NUBP1: variants seen among roughly 807,000 people sequenced by gnomAD.
The protein encoded by NUBP1 is NUBP iron-sulfur cluster assembly factor 1, cytosolic.
NUBP1 carries 46 observed loss-of-function variants against 41.8 expected under a neutral mutation model. That is an observed-to-expected ratio of 1.10 (90% CI 0.87 to 1.41). NUBP1 has a LOEUF of 1.41. NUBP1 is among the 40% of genes most tolerant of loss of function. NUBP1 has a pLI of 0.00. For missense variants in NUBP1, 494 were observed against 414.0 expected (o/e 1.19, Z -1.68); for synonymous variants, 189 against 154.6 (o/e 1.22, Z -1.65).
rs2030453398 is a variant in NUBP1 at position 10,764,061 on chromosome 16, TCAGCCCACTGGAGCATCC to T, written c.820+2210_820+2227del. The stretch of plus-strand genomic sequence containing the variant: ...GAGCATCCCAGCCCAAAGGAGCATC[TCAGCCCACTGGAGCATCC>T]CAGCCCAAGGGAGTATCTCAGCCCA... On this transcript the variant is annotated intron_variant, in intron 9 of 10. Transcript: ENST00000283027. 3.3e-5 allele frequency among the ~76,000 whole-genome samples: 5 copies of T among 151,518 alleles called. No homozygotes were observed. In the South Asian group the frequency reaches 8.3e-4, roughly 25 times the overall value.
At chr16:10,744,367 G>A (rs1456380139) in intron 2 of NUBP1, among the ~76,000 whole-genome samples, 1 of 152,222 alleles carries the variant, frequency 6.6e-6, no homozygotes, top group Non-Finnish European at 1.5e-5. Flanking sequence ...GAGGGTCGGG[G>A]CCAGAGGTTT....
In NUBP1 at chr16:10,757,823, T is replaced by A; in HGVS notation, c.452-50T>A. The A allele has an allele frequency of 1.9e-6, 3 of 1,588,024 alleles. No homozygotes were observed. Among genetic ancestry groups the A allele is most frequent in the Non-Finnish European group, 2.6e-6 (3 of 1,162,340 alleles). On this transcript the variant is annotated intron_variant, in intron 6 of 10. Transcript: ENST00000283027. The surrounding 1 kb of genome is among the most constrained non-coding windows in gnomAD (Gnocchi z 4.1). ...TAAAAAAAAAAGAGGGAGTTGAAAG[T>A]ACAGAAAAGAAAGGAAAAGTAAGCA... is the stretch of plus-strand genomic sequence containing the variant.
chr16:10,758,240 A>G lies in NUBP1; in HGVS notation c.606+213A>G, dbSNP rs540260370. 1.6e-3 allele frequency among the ~76,000 whole-genome samples: 245 copies of G among 152,178 alleles called. 3 individuals are homozygous for G. The highest frequency in any genetic ancestry group is 5.8e-3 in the African/African-American group (242 of 41,522). The stretch of plus-strand genomic sequence containing the variant: ...AATCCCAGGACTTTGGGAGGCTGAG[A>G]TGGGAGGATCACTTGAGCCCACGAG... On this transcript the variant is annotated intron_variant, in intron 7 of 10. Transcript: ENST00000283027.
Position 10,766,131 on chromosome 16 carries a change from C to G in NUBP1, c.821-1818C>G, listed in dbSNP as rs2030842375. ...AGTTACAGATGCCAGCGCTCTGGTG[C>G]TATGGGTCCTGGTCCCGGTGTGCTG... On this transcript the variant is annotated intron_variant, in intron 9 of 10. Transcript: ENST00000283027. This position sits in a 1 kb window ranked among gnomAD's most constrained non-coding sequence, Gnocchi z 4.8. 1 of 152,500 alleles carries G rather than the reference C, an allele frequency of 6.6e-6. No individual in the cohort carries two copies. Among genetic ancestry groups the G allele is most frequent in the African/African-American group, 2.4e-5 (1 of 41,454 alleles). 9.4% of individuals were successfully genotyped at this position (152,500 alleles called of 1,614,324 possible).
chr16:10,761,491 C>T lies in NUBP1; in HGVS notation c.717+17C>T, dbSNP rs1168868212. 6.3e-7 allele frequency: 1 copy of T among 1,598,804 alleles called. No homozygotes were observed. The highest frequency in any genetic ancestry group is 8.6e-7 in the Non-Finnish European group (1 of 1,166,712). On this transcript the variant is annotated intron_variant, in intron 8 of 10. Transcript: ENST00000283027. Reference sequence around the variant, plus strand: ...AAGTGCAAGGTGAGGGCGCGTGGGGCTGCCAGGCGAGCAAGATCTTGCTCT... The same window carrying T: ...AAGTGCAAGGTGAGGGCGCGTGGGGTTGCCAGGCGAGCAAGATCTTGCTCT...
intron 3 of NUBP1, 65 bp from the exon 4 acceptor site, chr16:10,752,545 A>T: frequency 7.7e-7 from 1 of 1,297,658 alleles, no homozygotes; most frequent in Non-Finnish European, 1.1e-6. Flanking sequence ...CTCCCCTCCT[A>T]GTTGTGTGTG....
At chr16:10,744,242 G>A (rs1261522586) in intron 2 of NUBP1, among the ~76,000 whole-genome samples, 177 bp downstream of exon 2, 3 of 152,202 alleles carry the variant, frequency 2.0e-5, no homozygotes, top group Non-Finnish European at 4.4e-5. Context: ...GCAGGGTGAG[G>A]GCGGAGCTTG....
In NUBP1 at chr16:10,766,879, A is replaced by G. The variant is rs567408089; in HGVS notation, c.821-1070A>G. On this transcript the variant is annotated intron_variant, in intron 9 of 10. Coordinates refer to ENST00000283027, the MANE Select transcript of NUBP1 (RefSeq NM_002484.4). This position sits in a 1 kb window ranked among gnomAD's most constrained non-coding sequence, Gnocchi z 4.8. ...ACGGCATACGTCCTATGGAGAGGAC[A>G]TTTCCTGTTATGGCTCAAGTGCGAA... 11 of 398,538 alleles carry G rather than the reference A, an allele frequency of 2.8e-5. No homozygotes were observed. The East Asian group carries it at 3.6e-4, about 13-fold the overall frequency. The allele number at this position is 398,538 out of a possible 1,614,324, so 24.7% of individuals were successfully genotyped here.
chr16:10,762,763 G>A (rs1187687810), intron 9 of NUBP1, among the ~76,000 whole-genome samples: 1 of 152,014 alleles, frequency 6.6e-6, no homozygotes, highest in Admixed American at 6.6e-5. Context: ...CAGGAGAGAG[G>A]GGCCGGGCGG....
intron 2 of NUBP1, among the ~76,000 whole-genome samples, chr16:10,744,712 G>C (rs1305558430): frequency 6.6e-5 from 10 of 152,110 alleles, no homozygotes; most frequent in Non-Finnish European, 1.2e-4. Context: ...CTGCTCAGAA[G>C]GACCTTAAAA....
At position 10,743,947 on chromosome 16, in the gene NUBP1, T is replaced by C. The variant is rs1229580742; in HGVS notation, c.20-14T>C. The C allele has an allele frequency of 1.9e-6, 3 of 1,592,188 alleles. No homozygotes were observed. Among genetic ancestry groups the C allele is most frequent in the Admixed American group, 1.8e-5 (1 of 54,444 alleles). On this transcript the variant is annotated splice_polypyrimidine_tract_variant and intron_variant, in intron 1 of 10. Transcript: ENST00000283027. ...GTCGGGAGCTGCTCTAACTGTGGTC[T>C]TGTCTCTGCGCAGACTGTCCAGGGG...
chr16:10,751,366 C>T (rs761124934), intron 3 of NUBP1, among the ~76,000 whole-genome samples: 2 of 152,110 alleles, frequency 1.3e-5, no homozygotes, highest in Non-Finnish European at 2.9e-5. Context: ...TCAGGTTTTC[C>T]GATGATGTCG....
At chr16:10,747,114 C>T in intron 2 of NUBP1, 29 bp from the exon 3 acceptor site, 5 of 1,612,502 alleles carry the variant, frequency 3.1e-6, no homozygotes, top group South Asian at 1.1e-5. Context: ...TGTGGGACCT[C>T]ATCCCCTGAA....
intron 2 of NUBP1, among the ~76,000 whole-genome samples, chr16:10,745,341 C>A (rs894383551): frequency 2.0e-5 from 3 of 152,026 alleles, no homozygotes; most frequent in African/African-American, 7.2e-5. Flanking sequence ...GTGGTGCATG[C>A]CCGCCCTCGA....
At chr16:10,762,297 C>A (rs530413087) in intron 9 of NUBP1, among the ~76,000 whole-genome samples, 1 of 152,306 alleles carries the variant, frequency 6.6e-6, no homozygotes, top group South Asian at 2.1e-4. Context: ...GTCTCCAGCA[C>A]CGGGACAGAC....
chr16:10,763,121 G>A (rs896660005), intron 9 of NUBP1, among the ~76,000 whole-genome samples: 1 of 152,112 alleles, frequency 6.6e-6, no homozygotes, highest in African/African-American at 2.4e-5. Context: ...GTCCCTCAGA[G>A]ACAGTGAAGC....
chr16:10,757,220 A>T lies in NUBP1; in HGVS notation c.451+440A>T, dbSNP rs952818897. ...AGAGGCTGAGGCAGGAGAACCCAGG[A>T]GGCGGAGGTTGCAGTGAGCCAAGAT... On this transcript the variant is annotated intron_variant, in intron 6 of 10. Coordinates refer to ENST00000283027, the MANE Select transcript of NUBP1 (RefSeq NM_002484.4). This position sits in a 1 kb window ranked among gnomAD's most constrained non-coding sequence, Gnocchi z 4.1. Among the ~76,000 whole-genome samples, 2 of 152,110 alleles carry T rather than the reference A, an allele frequency of 1.3e-5. No individual in the cohort carries two copies. Among genetic ancestry groups the T allele is most frequent in the African/African-American group, 4.8e-5 (2 of 41,400 alleles).
intron 9 of NUBP1, 170 bp downstream of exon 9, chr16:10,762,029 G>A: frequency 1.7e-6 from 1 of 575,190 alleles, no homozygotes; most frequent in East Asian, 2.9e-5. Context: ...CACCGGGAGA[G>A]AGGCCGAGAC....
At position 10,756,799 on chromosome 16, in the gene NUBP1, T is replaced by A. The variant is rs1258738702; in HGVS notation, c.451+19T>A. On this transcript the variant is annotated intron_variant, in intron 6 of 10. Coordinates refer to ENST00000283027, the MANE Select transcript of NUBP1 (RefSeq NM_002484.4). ...AAAAACGGTTTGCCACTCTGCCTTT[T>A]TTTGTCTCTCACATTCTTCCACGAG... 1.3e-6 allele frequency: 2 copies of A among 1,587,356 alleles called. No individual in the cohort carries two copies. The highest frequency in any genetic ancestry group is 8.6e-7 in the Non-Finnish European group (1 of 1,167,590).
Sources: allele counts gnomAD v4.1 joint callset (sites outside exome capture counted in the v4.1 genomes callset), GRCh38; gene constraint gnomAD v4.1.1; non-coding constraint Gnocchi (gnomAD v3.1); transcripts MANE v1.5; gene names NCBI Gene and HGNC (gene_info 2026-07-23, HGNC 2026-07-21).